NOL9: variants seen among roughly 807,000 people sequenced by gnomAD.
NOL9 encodes polynucleotide 5'-hydroxyl-kinase NOL9.
NOL9 carries 28 observed loss-of-function variants against 67.9 expected under a neutral mutation model. That is an observed-to-expected ratio of 0.41 (90% CI 0.31 to 0.57). The LOEUF is 0.57. Ranked by LOEUF, NOL9 falls within the 20% of genes least tolerant of loss-of-function variation. The pLI is 0.25. For missense variants in NOL9, 777 were observed against 897.0 expected (o/e 0.87, Z 1.71); for synonymous variants, 356 against 352.2 (o/e 1.01, Z -0.12).
intron 6 of NOL9, among the ~76,000 whole-genome samples, chr1:6,539,953 AGAGGACAAGAG>A (rs1281773791): frequency 3.9e-5 from 6 of 152,270 alleles, no homozygotes; most frequent in African/African-American, 9.6e-5. Flanking sequence ...GGGCTAGGAA[AGAGGACAAGAG>A]GAGGACAAGA....
At chr1:6,539,701 C>T (rs2148656699) in intron 6 of NOL9, among the ~76,000 whole-genome samples, 1 of 152,096 alleles carries the variant, frequency 6.6e-6, no homozygotes, top group East Asian at 1.9e-4. Flanking sequence ...CTACCCTGGT[C>T]TCAAACTCCC....
Position 6,528,987 on chromosome 1 carries a change from G to C in NOL9, c.1825+7C>G, listed in dbSNP as rs775583559. ...GGTTTATGGATATGTTTTACTCTCA[G>C]ACTCACCAAAGCCCAAGCAGTCACA... On this transcript the variant is annotated splice_region_variant and intron_variant, in intron 10 of 11. Transcript: ENST00000377705. The C allele has an allele frequency of 6.2e-7, 1 of 1,613,652 alleles. No individual in the cohort carries two copies. The highest frequency in any genetic ancestry group is 1.3e-5 in the African/African-American group (1 of 74,890).
rs1639026509 is a variant in NOL9, at chr1:6,531,470, C to A, written c.1647+498G>T. 1.3e-5 allele frequency among the ~76,000 whole-genome samples: 2 copies of A among 152,056 alleles called. 1 individual carries two copies. The highest frequency in any genetic ancestry group is 4.1e-4 in the South Asian group (2 of 4,822). On this transcript the variant is annotated intron_variant, in intron 9 of 11. Coordinates refer to ENST00000377705, the MANE Select transcript of NOL9 (RefSeq NM_024654.5). ...CCTCGTGATCTGCCCGCCTTGGCCT[C>A]CCAAAGTGCTGGGATTACAGGTGTG...
chr1:6,532,228 G>A, intron 8 of NOL9, 149 bp from the exon 9 acceptor site: 1 of 732,504 alleles, frequency 1.4e-6, no homozygotes, highest in Non-Finnish European at 2.3e-6. Flanking sequence ...AAAACAGGAA[G>A]TGTAAAGACT....
chr1:6,532,890 CGGCTGGGCACAGT>C, intron 7 of NOL9, 130 bp from the exon 8 acceptor site: 1 of 919,260 alleles, frequency 1.1e-6, no homozygotes, highest in Non-Finnish European at 1.6e-6. Context: ...CGTTGGACTT[CGGCTGGGCACAGT>C]GGCTCATGTT....
chr1:6,548,340 T>C, intron 3 of NOL9: 1 of 164,488 alleles, frequency 6.1e-6, no homozygotes, highest in Admixed American at 6.2e-5. Flanking sequence ...AGAGATGGGG[T>C]TTTGCCATGT....
Position 6,550,526 on chromosome 1 carries a change from G to T in NOL9, c.486C>A (p.Ala162=). ...FGFTISQGQP[A]QDIFSVYTHS... ...GGGTATACACAGAGAAGATGTCTTG[G>T]GCAGGCTGGCCTTGGCTGATGGTAA... Residue 162 remains alanine (A), a synonymous_variant, in exon 2 of 12, where the codon GCC becomes GCA. Transcript: ENST00000377705. 6.2e-7 allele frequency: 1 copy of T among 1,614,064 alleles called. No homozygotes were observed. The highest frequency in any genetic ancestry group is 8.5e-7 in the Non-Finnish European group (1 of 1,180,010).
At chr1:6,526,142 C>T in intron 11 of NOL9, 139 bp from the exon 12 acceptor site, 2 of 722,982 alleles carry the variant, frequency 2.8e-6, no homozygotes, top group Non-Finnish European at 2.3e-6. Flanking sequence ...CATTTGATCC[C>T]TTCCTTCAGA....
At chr1:6,537,205 T>C (rs1313711226) in intron 6 of NOL9, among the ~76,000 whole-genome samples, 1 of 151,880 alleles carries the variant, frequency 6.6e-6, no homozygotes, top group Non-Finnish European at 1.5e-5. Context: ...AGAAGAAGGA[T>C]ACTAGATATC....
intron 9 of NOL9, among the ~76,000 whole-genome samples, chr1:6,531,456 G>C (rs1023498891): frequency 1.3e-5 from 2 of 151,984 alleles, no homozygotes; most frequent in South Asian, 4.1e-4. Context: ...CTCGTGATCT[G>C]CCCGCCTTGG....
chr1:6,550,426 G>T lies in NOL9; in HGVS notation c.586C>A (p.Arg196=), dbSNP rs148133108. 6.8e-6 allele frequency: 11 copies of T among 1,613,972 alleles called. No homozygotes were observed. In the Admixed American group the frequency reaches 1.8e-4, roughly 27 times the overall value. Reference sequence around the variant, plus strand: ...TTAAGATGAGATTTGAGCAAATTCCGGGCTTCCCTTTTCAGTTCCTTCTTG... The same window carrying T: ...TTAAGATGAGATTTGAGCAAATTCCTGGCTTCCCTTTTCAGTTCCTTCTTG... ...KSKKELKREA[R]NLLKSHLNLD... is the part of the protein sequence containing the mutation. Residue 196 remains arginine, a synonymous_variant, in exon 2 of 12, where the codon CGG becomes AGG. Coordinates refer to ENST00000377705, the MANE Select transcript of NOL9 (RefSeq NM_024654.5).
At chr1:6,528,953 T>G in intron 10 of NOL9, 41 bp downstream of exon 10, 1 of 1,597,192 alleles carries the variant, frequency 6.3e-7, no homozygotes, top group East Asian at 2.2e-5. Flanking sequence ...CAGTGGATCC[T>G]TTTCAGTAGG....
chr1:6,530,886 G>A (rs947251993), intron 9 of NOL9, among the ~76,000 whole-genome samples: 4 of 152,340 alleles, frequency 2.6e-5, no homozygotes, highest in East Asian at 1.9e-4. Flanking sequence ...GCTCAGAGTC[G>A]GGCGTCCTGC....
At chr1:6,550,688 T>G (rs1570088194) in intron 1 of NOL9, 73 bp from the exon 2 acceptor site, 2 of 1,207,816 alleles carry the variant, frequency 1.7e-6, no homozygotes, top group East Asian at 2.5e-5. Context: ...AAAATCTTTT[T>G]TTTTTTTTTT....
rs1328996043 is a variant in NOL9, at chr1:6,540,121, A to ATT, written c.1075+1707_1075+1708dup. 2.6e-4 allele frequency among the ~76,000 whole-genome samples: 5 copies of ATT among 18,994 alleles called. 1 individual carries two copies. The highest frequency in any genetic ancestry group is 5.8e-3 in the South Asian group (2 of 346). 12.5% of individuals were successfully genotyped at this position (18,994 alleles called of 152,430 possible). On this transcript the variant is annotated intron_variant, in intron 6 of 11. Transcript: ENST00000377705. ...CTGCCTCAGCCTCCCAAGGAGAGTT[A>ATT]TTCTTTTTTTTTTTTTTTTGAGACA... is the stretch of plus-strand genomic sequence containing the variant.
rs1295354325 is a variant in NOL9, at chr1:6,521,605, T to C, written c.*4249A>G. ...AGGAATGGGTTATCTATGGTGGCCG[T>C]GGAGCTTGCTTCCTCAAGGGCTCTT... On this transcript the variant is annotated 3_prime_UTR_variant, in exon 12 of 12. Transcript: ENST00000377705. 1 of 152,214 alleles carries C rather than the reference T, an allele frequency of 6.6e-6. No individual in the cohort carries two copies. Among genetic ancestry groups the C allele is most frequent in the African/African-American group, 2.4e-5 (1 of 41,460 alleles). 9.4% of individuals were successfully genotyped at this position (152,214 alleles called of 1,614,324 possible).
At position 6,529,230 on chromosome 1, in the gene NOL9, TC is replaced by T. The variant is rs1638963365; in HGVS notation, c.1648-60del. The T allele has an allele frequency of 1.1e-5, 16 of 1,457,874 alleles. No homozygotes were observed. The African/African-American group carries it at 2.2e-4, about 20-fold the overall frequency. The allele number at this position is 1,457,874 out of a possible 1,614,324, so 90.3% of individuals were successfully genotyped here. ...GGCTACTTTGAAAGACCACTTAATT[TC>T]TACAACTAGATTAACCAGCTATCTA... On this transcript the variant is annotated intron_variant, in intron 9 of 11. Coordinates refer to ENST00000377705, the MANE Select transcript of NOL9 (RefSeq NM_024654.5).
At position 6,554,225 on chromosome 1, in the gene NOL9, G is replaced by A. The variant is rs1639614835; in HGVS notation, c.278C>T (p.Ser93Phe). ...GAGTTCGGGTTCGGACTCGGGTTCG[G>A]AGGCCGGGGTCGGGCTAGGGATCGG... is the stretch of plus-strand genomic sequence containing the variant. ...PSPIPSPTPA[S>F]EPESEPELES... is the part of the protein sequence containing the mutation. Residue 93 changes from serine (S) to phenylalanine (F), a missense_variant, in exon 1 of 12, where the codon TCC becomes TTC. Physicochemically the swap from Ser to Phe is radical, Grantham distance 155. Coordinates refer to ENST00000377705, the MANE Select transcript of NOL9 (RefSeq NM_024654.5). 6.6e-7 allele frequency: 1 copy of A among 1,515,380 alleles called. No individual in the cohort carries two copies. The highest frequency in any genetic ancestry group is 1.4e-5 in the African/African-American group (1 of 69,260). The allele number at this position is 1,515,380 out of a possible 1,614,324, so 93.9% of individuals were successfully genotyped here.
Position 6,545,184 on chromosome 1 carries a change from A to C in NOL9, c.745-4T>G, listed in dbSNP as rs1557791949. On this transcript the variant is annotated splice_polypyrimidine_tract_variant and splice_region_variant and intron_variant, in intron 3 of 11. Transcript: ENST00000377705. ...GTTTAATCTGGGGAGTTGGACTCTGAAATCAACAATTTAAACTTTAAGGTG... is the reference window on the plus strand; with the variant it reads ...GTTTAATCTGGGGAGTTGGACTCTGCAATCAACAATTTAAACTTTAAGGTG... The C allele has an allele frequency of 6.2e-7, 1 of 1,605,060 alleles. No individual in the cohort carries two copies. The highest frequency in any genetic ancestry group is 8.5e-7 in the Non-Finnish European group (1 of 1,177,598).
Sources: gnomAD v4.1 joint callset for allele counts (sites outside exome capture counted in the v4.1 genomes callset) on GRCh38, gnomAD v4.1.1 for gene constraint, MANE v1.5 for transcripts, NCBI Gene and HGNC (gene_info 2026-07-23, HGNC 2026-07-21) for gene names.